SH3GL2: variants seen among roughly 807,000 people sequenced by gnomAD.
SH3GL2 encodes endophilin-A1.
SH3GL2 carries 24 observed loss-of-function variants against 46.0 expected under a neutral mutation model. The observed-to-expected ratio is 0.52, with a 90% CI of 0.38 to 0.73. The LOEUF is 0.73. Among genes scored for constraint, SH3GL2 ranks in the 30% least tolerant of loss-of-function variants. The pLI is 0.00. For missense variants in SH3GL2, 413 were observed against 424.2 expected (o/e 0.97, Z 0.23); for synonymous variants, 196 against 147.1 (o/e 1.33, Z -2.40).
At chr9:17,607,962 T>A (rs543042866) in intron 1 of SH3GL2, among the ~76,000 whole-genome samples, 64 of 152,250 alleles carry the variant, frequency 4.2e-4, no homozygotes, top group African/African-American at 1.5e-3. Context: ...AGGCATACAA[T>A]TATATGAAAT....
chr9:17,741,819 C>T (rs941837784), intron 1 of SH3GL2, among the ~76,000 whole-genome samples: 5 of 152,066 alleles, frequency 3.3e-5, no homozygotes, highest in South Asian at 2.1e-4. Flanking sequence ...ACGAGTAGTT[C>T]GTTCCAGGTA....
intron 1 of SH3GL2, among the ~76,000 whole-genome samples, chr9:17,635,690 C>T (rs551420699): frequency 6.6e-5 from 10 of 152,226 alleles, no homozygotes; most frequent in South Asian, 2.1e-4. Flanking sequence ...TGAGTGTACA[C>T]AACAGAGGAA....
chr9:17,776,918 G>A (rs774967792), intron 3 of SH3GL2, among the ~76,000 whole-genome samples: 2 of 152,132 alleles, frequency 1.3e-5, no homozygotes, highest in Non-Finnish European at 2.9e-5. Flanking sequence ...CTCACACTTG[G>A]CTCCCCTGAG....
chr9:17,693,232 G>C (rs1821125940), intron 1 of SH3GL2, among the ~76,000 whole-genome samples: 1 of 152,110 alleles, frequency 6.6e-6, no homozygotes, highest in African/African-American at 2.4e-5. Flanking sequence ...GTTATGTTTG[G>C]ACACATGGAT....
At chr9:17,738,718 A>G (rs1822437456) in intron 1 of SH3GL2, among the ~76,000 whole-genome samples, 1 of 150,460 alleles carries the variant, frequency 6.6e-6, no homozygotes, top group African/African-American at 2.4e-5. Flanking sequence ...ATGTTTGACA[A>G]GTCAGAACTT....
At chr9:17,660,248 A>C (rs1820179658) in intron 1 of SH3GL2, among the ~76,000 whole-genome samples, 1 of 152,220 alleles carries the variant, frequency 6.6e-6, no homozygotes, top group Non-Finnish European at 1.5e-5. Flanking sequence ...ATTCCACTGT[A>C]ATAATCTGGA....
At chr9:17,694,536 A>G (rs2118154861) in intron 1 of SH3GL2, among the ~76,000 whole-genome samples, 1 of 152,298 alleles carries the variant, frequency 6.6e-6, no homozygotes, top group East Asian at 1.9e-4. Flanking sequence ...CCTGTCATTT[A>G]GCTTTCAGAA....
chr9:17,714,153 T>A (rs1312125622), intron 1 of SH3GL2, among the ~76,000 whole-genome samples: 7 of 151,748 alleles, frequency 4.6e-5, no homozygotes, highest in Admixed American at 4.6e-4. Context: ...AAATAGTCCT[T>A]ACTATGGTGT....
chr9:17,584,092 T>G (rs1399960965), intron 1 of SH3GL2, among the ~76,000 whole-genome samples: 1 of 152,150 alleles, frequency 6.6e-6, no homozygotes, highest in Non-Finnish European at 1.5e-5. Context: ...GGCCTATATA[T>G]TTTATAAAAT....
intron 1 of SH3GL2, among the ~76,000 whole-genome samples, chr9:17,616,092 C>A (rs1379286724): frequency 2.0e-5 from 3 of 152,040 alleles, no homozygotes; most frequent in African/African-American, 7.2e-5. Flanking sequence ...GATTACTTAC[C>A]CATTAACACT....
rs147534350 is a variant in SH3GL2 at position 17,579,621 on chromosome 9, T to C, written c.45+334T>C. Among the ~76,000 whole-genome samples, 1,114 of 152,238 alleles carry C rather than the reference T, an allele frequency of 7.3e-3. 4 individuals carry two copies. The highest frequency in any genetic ancestry group is 0.027 in the Middle Eastern group (8 of 292). On this transcript the variant is annotated intron_variant, in intron 1 of 8. Coordinates refer to ENST00000380607, the MANE Select transcript of SH3GL2 (RefSeq NM_003026.5). ...CTGCTGCCGCGGCGCGCAGGTGCCT[T>C]GGCGGCGCGGTGGGAGATTATGTAA... is the stretch of plus-strand genomic sequence containing the variant.
At chr9:17,640,688 C>T (rs937293937) in intron 1 of SH3GL2, among the ~76,000 whole-genome samples, 1 of 152,146 alleles carries the variant, frequency 6.6e-6, no homozygotes, top group African/African-American at 2.4e-5. Context: ...CATAACACTT[C>T]TCATTTCTCG....
intron 1 of SH3GL2, among the ~76,000 whole-genome samples, chr9:17,636,010 A>G (rs1236556052): frequency 1.3e-5 from 2 of 152,206 alleles, no homozygotes; most frequent in African/African-American, 2.4e-5. Context: ...AAGTACAGCC[A>G]CACTGAAGCT....
chr9:17,725,823 G>T (rs1262580849), intron 1 of SH3GL2, among the ~76,000 whole-genome samples: 2 of 152,158 alleles, frequency 1.3e-5, no homozygotes, highest in Non-Finnish European at 2.9e-5. Context: ...ACATGGCTGG[G>T]GGTTGAATAG....
rs138663526 is a variant in SH3GL2, at chr9:17,699,560, C to T, written c.46-47506C>T. On this transcript the variant is annotated intron_variant, in intron 1 of 8. Coordinates refer to ENST00000380607, the MANE Select transcript of SH3GL2 (RefSeq NM_003026.5). ...AAGAGCCTTACCATCCACCAATCTCCTGCTGCCATCCCTGGCCTGCCCTCA... is the reference window on the plus strand; with the variant it reads ...AAGAGCCTTACCATCCACCAATCTCTTGCTGCCATCCCTGGCCTGCCCTCA... 4.6e-5 allele frequency among the ~76,000 whole-genome samples: 7 copies of T among 152,314 alleles called. No homozygotes were observed. In the East Asian group the frequency reaches 1.2e-3, roughly 25 times the overall value.
At chr9:17,583,048 T>C (rs1033432775) in intron 1 of SH3GL2, among the ~76,000 whole-genome samples, 22 of 152,180 alleles carry the variant, frequency 1.4e-4, no homozygotes, top group African/African-American at 4.8e-4. Flanking sequence ...AAAGTTGCAT[T>C]CTGAGCTATT....
intron 1 of SH3GL2, among the ~76,000 whole-genome samples, chr9:17,656,647 CA>C (rs1339643674): frequency 6.6e-6 from 1 of 151,400 alleles, no homozygotes; most frequent in Non-Finnish European, 1.5e-5. Context: ...AAATTATATT[CA>C]GATCTATTGA....
intron 1 of SH3GL2, 56 bp downstream of exon 1, chr9:17,579,343 G>GCGCCGCCC: frequency 2.3e-6 from 3 of 1,278,608 alleles, no homozygotes; most frequent in Non-Finnish European, 3.2e-6. Context: ...TGCGAGGGGC[G>GCGCCGCCC]CGCTCGGCGC....
Position 17,793,486 on chromosome 9 carries a change from C to T in SH3GL2, c.848C>T (p.Pro283Leu). ...GGGGGTCTCTCCCACACAGGCACTCCCAAACCTTCAGGTAAGAGCTGAAAC... is the reference window on the plus strand; with the variant it reads ...GGGGGTCTCTCCCACACAGGCACTCTCAAACCTTCAGGTAAGAGCTGAAAC... ...PNGGLSHTGT[P>L]KPSGVQMDQP... The change falls in exon 8 of 9, where the codon CCC becomes CTC. Residue 283 changes from proline (P) to leucine (L), a missense_variant. Physicochemically the swap from Pro to Leu is moderately conservative, Grantham distance 98. Transcript: ENST00000380607. The T allele has an allele frequency of 6.2e-7, 1 of 1,613,146 alleles. No homozygotes were observed. Among genetic ancestry groups the T allele is most frequent in the South Asian group, 1.1e-5 (1 of 90,842 alleles).
Sources: gnomAD v4.1 joint callset for allele counts (sites outside exome capture counted in the v4.1 genomes callset) on GRCh38, gnomAD v4.1.1 for gene constraint, MANE v1.5 for transcripts, NCBI Gene and HGNC (gene_info 2026-07-23, HGNC 2026-07-21) for gene names.